PDE7B: variants seen among roughly 807,000 people sequenced by gnomAD.
PDE7B encodes the protein phosphodiesterase 7B, also known as 3',5'-cyclic-AMP phosphodiesterase 7B.
PDE7B carries 29 observed loss-of-function variants against 56.2 expected under a neutral mutation model. The ratio of observed to expected loss-of-function variants is 0.52; its 90% CI spans 0.38 to 0.70. PDE7B has a LOEUF of 0.70. Among genes scored for constraint, PDE7B ranks in the 30% least tolerant of loss-of-function variants. The pLI, the probability that PDE7B is intolerant of heterozygous loss-of-function variation, is 0.00. For missense variants in PDE7B, 490 were observed against 565.0 expected (o/e 0.87, Z 1.35); for synonymous variants, 197 against 196.9 (o/e 1.00, Z 0.00).
intron 2 of PDE7B, among the ~76,000 whole-genome samples, chr6:135,978,044 T>A (rs1775222297): frequency 6.6e-6 from 1 of 152,158 alleles, no homozygotes; most frequent in Non-Finnish European, 1.5e-5. Context: ...ATCACTTAAC[T>A]GTGCGGATAC....
intron 1 of PDE7B, among the ~76,000 whole-genome samples, chr6:135,859,059 GA>G (rs545178102): frequency 0.02 from 2,439 of 124,526 alleles, 18 homozygotes; most frequent in Middle Eastern, 0.045. Context: ...TTCCAGGAGA[GA>G]AAAAAAAAAA....
chr6:136,006,859 G>A (rs1583824653), intron 2 of PDE7B, among the ~76,000 whole-genome samples: 1 of 152,288 alleles, frequency 6.6e-6, no homozygotes, highest in South Asian at 2.1e-4. Context: ...TCTGCAAACA[G>A]GGACAGTTTG....
At chr6:136,126,480 A>G (rs1413657242) in intron 3 of PDE7B, among the ~76,000 whole-genome samples, 1 of 152,236 alleles carries the variant, frequency 6.6e-6, no homozygotes, top group East Asian at 1.9e-4. Flanking sequence ...AGAAGTTATT[A>G]TATGAAAAAG....
At chr6:135,950,592 A>G (rs1190615016) in intron 2 of PDE7B, among the ~76,000 whole-genome samples, 1 of 152,066 alleles carries the variant, frequency 6.6e-6, no homozygotes, top group Non-Finnish European at 1.5e-5. Context: ...CCTCATCTTT[A>G]ACTGGTCAAG....
chr6:136,174,173 C>T lies in PDE7B; in HGVS notation c.803+285C>T, dbSNP rs533417498. Among the ~76,000 whole-genome samples the T allele has an allele frequency of 5.9e-5, 9 of 152,260 alleles. No homozygotes were observed. In the South Asian group the frequency reaches 1.7e-3, roughly 28 times the overall value. On this transcript the variant is annotated intron_variant, in intron 9 of 12. Transcript: ENST00000308191. Reference sequence around the variant, plus strand: ...TTTCACACGCTTCAGTATCAGTGCTCGACTTTGCCAAATTCCCGACCTTTA... The same window carrying T: ...TTTCACACGCTTCAGTATCAGTGCTTGACTTTGCCAAATTCCCGACCTTTA...
intron 2 of PDE7B, among the ~76,000 whole-genome samples, chr6:136,067,275 A>G (rs182149444): frequency 6.6e-6 from 1 of 152,330 alleles, no homozygotes; most frequent in Non-Finnish European, 1.5e-5. Context: ...AGCTTAAAGC[A>G]TCTTCAAAGG....
At chr6:135,861,661 ATTAAC>A (rs1775149815) in intron 1 of PDE7B, among the ~76,000 whole-genome samples, 2 of 151,588 alleles carry the variant, frequency 1.3e-5, no homozygotes, top group Non-Finnish European at 1.5e-5. Flanking sequence ...TAATTTTAGA[ATTAAC>A]TTAAGATTCT....
chr6:136,003,746 G>A (rs887337249), intron 2 of PDE7B, among the ~76,000 whole-genome samples: 3 of 152,292 alleles, frequency 2.0e-5, no homozygotes, highest in African/African-American at 7.2e-5. Flanking sequence ...GGACCAGATG[G>A]ATTCACAGCC....
At chr6:136,159,482 G>C (rs1024579641) in intron 8 of PDE7B, among the ~76,000 whole-genome samples, 6 of 152,194 alleles carry the variant, frequency 3.9e-5, no homozygotes, top group African/African-American at 1.4e-4. Context: ...ACAAGAGAAA[G>C]ACATCTTCAA....
chr6:135,856,787 A>T (rs1775037251), intron 1 of PDE7B, among the ~76,000 whole-genome samples: 1 of 152,214 alleles, frequency 6.6e-6, no homozygotes, highest in East Asian at 1.9e-4. Context: ...GCAATATATA[A>T]TTCTTGATAC....
rs116869541 is a variant in PDE7B, at chr6:136,145,921, T to A, written c.167-1430T>A. On this transcript the variant is annotated intron_variant, in intron 3 of 12. Transcript: ENST00000308191. ...CCAGTCTTCTCCCTCAAGCTCTGGA[T>A]TTTATATCCATTTATTTCTACTTAG... Among the ~76,000 whole-genome samples, 22 of 152,316 alleles carry A rather than the reference T, an allele frequency of 1.4e-4. No individual in the cohort carries two copies. The East Asian group carries it at 4.1e-3, about 28-fold the overall frequency.
rs79586722 is a variant in PDE7B, at chr6:136,160,509, G to A, written c.711+4751G>A. 4.7e-3 allele frequency among the ~76,000 whole-genome samples: 715 copies of A among 152,174 alleles called. 5 individuals carry two copies. The highest frequency in any genetic ancestry group is 0.017 in the African/African-American group (688 of 41,504). The stretch of plus-strand genomic sequence containing the variant: ...AACCCCAGTGTATGCAAGCCTGCTC[G>A]CCACCCTTTGCCTCTCCCCTAGGTT... On this transcript the variant is annotated intron_variant, in intron 8 of 12. Coordinates refer to ENST00000308191, the MANE Select transcript of PDE7B (RefSeq NM_018945.4).
chr6:135,943,176 A>G (rs1393220564), intron 1 of PDE7B, among the ~76,000 whole-genome samples: 1 of 152,218 alleles, frequency 6.6e-6, no homozygotes, highest in Non-Finnish European at 1.5e-5. Context: ...TTGTTTTACA[A>G]TCTTATCGAC....
intron 3 of PDE7B, among the ~76,000 whole-genome samples, chr6:136,127,873 A>C (rs1252643895): frequency 6.6e-6 from 1 of 152,224 alleles, no homozygotes; most frequent in African/African-American, 2.4e-5. Context: ...AAAACACATT[A>C]ATGAAAACTT....
chr6:135,894,565 G>C (rs1775864335), intron 1 of PDE7B, among the ~76,000 whole-genome samples: 1 of 152,092 alleles, frequency 6.6e-6, no homozygotes, highest in Non-Finnish European at 1.5e-5. Flanking sequence ...GGCAAATGGA[G>C]ACAAAAGGAG....
rs986106678 is a variant in PDE7B, at chr6:136,118,233, C to G, written c.166+9419C>G. Among the ~76,000 whole-genome samples the G allele has an allele frequency of 5.3e-5, 8 of 152,168 alleles. No homozygotes were observed. In the South Asian group the frequency reaches 1.5e-3, roughly 28 times the overall value. ...CCCCATCATTATGTCCTTTGTGAAG[C>G]CTTCTTCAATCCTCCCAAAGGAGTG... On this transcript the variant is annotated intron_variant, in intron 3 of 12. Transcript: ENST00000308191.
rs1195519446 is a variant in PDE7B, at chr6:135,934,959, AT to A, written c.22-12504del. Among the ~76,000 whole-genome samples, 192 of 49,918 alleles carry A rather than the reference AT, an allele frequency of 3.8e-3. 3 individuals carry two copies. Among genetic ancestry groups the A allele is most frequent in the East Asian group, 5.7e-3 (7 of 1,232 alleles). 32.7% of individuals were successfully genotyped at this position (49,918 alleles called of 152,430 possible). Reference sequence around the variant, plus strand: ...AATATATAATATATATTTATATATAATATATATATTTCTCTATATATTTTAT... The same window carrying A: ...AATATATAATATATATTTATATATAAATATATATTTCTCTATATATTTTAT... On this transcript the variant is annotated intron_variant, in intron 1 of 12. Coordinates refer to ENST00000308191, the MANE Select transcript of PDE7B (RefSeq NM_018945.4).
rs1430240864 is a variant in PDE7B, at chr6:136,192,513, A to G, written c.*673A>G. 1 of 152,578 alleles carries G rather than the reference A, an allele frequency of 6.6e-6. No homozygotes were observed. The highest frequency in any genetic ancestry group is 2.4e-5 in the African/African-American group (1 of 41,442). 9.5% of individuals were successfully genotyped at this position (152,578 alleles called of 1,614,324 possible). On this transcript the variant is annotated 3_prime_UTR_variant, in exon 13 of 13. Transcript: ENST00000308191. Reference sequence around the variant, plus strand: ...AGACTTGGCATCTTCGCAGTTTAAGAAACCACGTTTCCTATCCAATCCGAA... The same window carrying G: ...AGACTTGGCATCTTCGCAGTTTAAGGAACCACGTTTCCTATCCAATCCGAA...
chr6:136,116,251 C>T (rs558590972), intron 3 of PDE7B, among the ~76,000 whole-genome samples: 1 of 152,032 alleles, frequency 6.6e-6, no homozygotes. Context: ...GAGGACATAA[C>T]GTCATTAAGT....
Sources: allele counts gnomAD v4.1 joint callset (sites outside exome capture counted in the v4.1 genomes callset), GRCh38; gene constraint gnomAD v4.1.1; transcripts MANE v1.5; gene names NCBI Gene and HGNC (gene_info 2026-07-23, HGNC 2026-07-21).